TNFAIP8: variants seen among roughly 807,000 people sequenced by gnomAD.
TNFAIP8 encodes TNF alpha induced protein 8.
Under a neutral mutation model 13.3 loss-of-function variants are expected in TNFAIP8, and 7 were observed. The ratio of observed to expected loss-of-function variants is 0.52; its 90% CI spans 0.30 to 0.99. The LOEUF (loss-of-function observed/expected upper bound fraction) is 0.99. Among genes scored for constraint, TNFAIP8 ranks in the 50% least tolerant of loss-of-function variants. TNFAIP8 has a pLI of 0.07. For synonymous variants in TNFAIP8, 94 were observed against 87.6 expected (o/e 1.07, Z -0.41); for missense variants, 258 against 236.9 (o/e 1.09, Z -0.58).
At chr5:119,275,993 TAGA>T (rs1173238835) in intron 1 of TNFAIP8, among the ~76,000 whole-genome samples, 1 of 152,012 alleles carries the variant, frequency 6.6e-6, no homozygotes, top group East Asian at 1.9e-4. Flanking sequence ...ATGAGGCAGA[TAGA>T]GGAGGTTGGG....
At chr5:119,351,374 T>C (rs1022363009), upstream of TNFAIP8, among the ~76,000 whole-genome samples, 2 of 149,632 alleles carry the variant, frequency 1.3e-5, no homozygotes, top group African/African-American at 2.5e-5. Context: ...CAGTAGAAAC[T>C]ATACTTTGAA....
chr5:119,378,242 A>AG (rs976151502), intron 1 of TNFAIP8, among the ~76,000 whole-genome samples: 1 of 152,228 alleles, frequency 6.6e-6, no homozygotes, highest in African/African-American at 2.4e-5. Flanking sequence ...AAGGTTAGAA[A>AG]GGGGTAACAA....
In TNFAIP8 at chr5:119,395,499, A is replaced by C. The variant is rs1389702097; in HGVS notation, c.*2118A>C. 1 of 152,290 alleles carries C rather than the reference A, an allele frequency of 6.6e-6. No homozygotes were observed. The highest frequency in any genetic ancestry group is 1.5e-5 in the Non-Finnish European group (1 of 68,106). The allele number at this position is 152,290 out of a possible 1,614,324, so 9.4% of individuals were successfully genotyped here. A position where few individuals can be genotyped will look rare whatever the true frequency, so the allele number is the denominator to read the frequency against. On this transcript the variant is annotated 3_prime_UTR_variant, in exon 2 of 2. Transcript: ENST00000504771. ...GGGAGAAATCTGGATCTCTCTGGAC[A>C]CACTGGATCATAGGGTTGTGCCAGC...
intron 1 of TNFAIP8, among the ~76,000 whole-genome samples, chr5:119,312,505 T>G (rs930281758): frequency 6.6e-6 from 1 of 152,092 alleles, no homozygotes; most frequent in East Asian, 1.9e-4. Flanking sequence ...AAGTAGTGGT[T>G]GAGGTTAAGA....
chr5:119,394,674 T>C lies in TNFAIP8; in HGVS notation c.*1293T>C, dbSNP rs1753031551. ...TAGGCTAGAATGCAGTGGCATGATT[T>C]TGGCTCACTGCAACCTCTGCCTCCC... On this transcript the variant is annotated 3_prime_UTR_variant, in exon 2 of 2. Transcript: ENST00000504771. The C allele has an allele frequency of 6.6e-6, 1 of 150,546 alleles. No homozygotes were observed. The highest frequency in any genetic ancestry group is 2.1e-4 in the South Asian group (1 of 4,782). 9.3% of individuals were successfully genotyped at this position (150,546 alleles called of 1,614,324 possible). A position where few individuals can be genotyped will look rare whatever the true frequency, so the allele number is the denominator to read the frequency against.
At chr5:119,309,937 A>C (rs1323951598) in intron 1 of TNFAIP8, among the ~76,000 whole-genome samples, 3 of 152,222 alleles carry the variant, frequency 2.0e-5, no homozygotes, top group African/African-American at 7.2e-5. Flanking sequence ...TTTCCCACTG[A>C]AAATGGGAAG....
chr5:119,382,438 T>G (rs1752520997), intron 1 of TNFAIP8, among the ~76,000 whole-genome samples: 1 of 152,224 alleles, frequency 6.6e-6, no homozygotes, highest in East Asian at 1.9e-4. Context: ...AAGTTTTTGT[T>G]GACTGACTCA....
rs911134197 is a variant in TNFAIP8, at chr5:119,392,932, G to A, written c.148G>A (p.Val50Met). ...CTTAATAGACGACACAAGTAGTGAG[G>A]TGCTGGATGAGCTCTACAGAGTGAC... is the stretch of plus-strand genomic sequence containing the variant. ...TTLIDDTSSE[V>M]LDELYRVTRE... Residue 50 changes from valine to methionine, a missense_variant, in exon 2 of 2, where the codon GTG (valine) becomes ATG (methionine). Coordinates refer to ENST00000504771, the MANE Select transcript of TNFAIP8 (RefSeq NM_014350.4). 3.7e-6 allele frequency: 6 copies of A among 1,607,938 alleles called. No homozygotes were observed. The highest frequency in any genetic ancestry group is 4.2e-6 in the Non-Finnish European group (5 of 1,177,172).
At chr5:119,345,410 A>C (rs939665919) in intron 1 of TNFAIP8, among the ~76,000 whole-genome samples, 1 of 152,234 alleles carries the variant, frequency 6.6e-6, no homozygotes, top group African/African-American at 2.4e-5. Context: ...AGGCATCTCA[A>C]AGAGATATTT....
chr5:119,365,500 T>G, intron 1 of TNFAIP8, among the ~76,000 whole-genome samples: 1 of 152,154 alleles, frequency 6.6e-6, no homozygotes, highest in East Asian at 1.9e-4. Flanking sequence ...ACTCAGGAGG[T>G]ACTGTATAAA....
At position 119,393,376 on chromosome 5, in the gene TNFAIP8, A is replaced by G. The variant is rs771511991; in HGVS notation, c.592A>G (p.Ile198Val). The change falls in exon 2 of 2, where the codon ATA becomes GTA. Residue 198 changes from isoleucine to valine, a missense_variant. Coordinates refer to ENST00000504771, the MANE Select transcript of TNFAIP8 (RefSeq NM_014350.4). ...GINKMLDEEN[I>V] is the part of the protein sequence containing the mutation. ...CAACAAAATGTTGGATGAAGAGAAC[A>G]TATGAGCACATGAGTTAAGATTGTG... is the stretch of plus-strand genomic sequence containing the variant. The G allele has an allele frequency of 7.4e-6, 12 of 1,611,190 alleles. No homozygotes were observed. In the East Asian group the frequency reaches 2.2e-4, roughly 30 times the overall value.
At chr5:119,276,529 A>G (rs1748455172) in intron 1 of TNFAIP8, among the ~76,000 whole-genome samples, 1 of 152,200 alleles carries the variant, frequency 6.6e-6, no homozygotes, top group South Asian at 2.1e-4. Context: ...GGCTTAAACA[A>G]CAGAAATTTA....
intron 1 of TNFAIP8, among the ~76,000 whole-genome samples, chr5:119,369,165 T>G (rs1427839087): frequency 1.3e-5 from 2 of 151,112 alleles, no homozygotes; most frequent in Non-Finnish European, 2.9e-5. Flanking sequence ...GTGATTCTCC[T>G]CCCTCAGCCT....
rs756728754 is a variant in TNFAIP8 at position 119,268,883 on chromosome 5, C to T, written c.-24C>T. 4.0e-5 allele frequency: 28 copies of T among 702,270 alleles called. No individual in the cohort carries two copies. In the South Asian group the frequency reaches 4.0e-4, roughly 10 times the overall value. 43.5% of individuals were successfully genotyped at this position (702,270 alleles called of 1,614,324 possible). On this transcript the variant is annotated 5_prime_UTR_variant, in exon 1 of 2. Coordinates refer to the TNFAIP8 transcript ENST00000274456. ...CAGCCCAGCTCGCGCTTCAGCGTCC[C>T]GGCGCCGTCGCGCCACTCCTCCGAG...
At chr5:119,275,633 T>A (rs1321712194) in intron 1 of TNFAIP8, among the ~76,000 whole-genome samples, 1 of 152,214 alleles carries the variant, frequency 6.6e-6, no homozygotes, top group Admixed American at 6.5e-5. Context: ...ATTTTTTTCT[T>A]TGAAGCCATG....
chr5:119,328,325 T>C (rs897552283), intron 1 of TNFAIP8, among the ~76,000 whole-genome samples: 5 of 151,382 alleles, frequency 3.3e-5, no homozygotes, highest in African/African-American at 1.2e-4. Flanking sequence ...GAAAAGTTTT[T>C]GAAACTTACT....
chr5:119,371,838 A>T (rs1161547729), intron 1 of TNFAIP8, among the ~76,000 whole-genome samples: 5 of 152,046 alleles, frequency 3.3e-5, no homozygotes. Flanking sequence ...CCGGGGCAAC[A>T]TGGCAAAACC....
intron 1 of TNFAIP8, among the ~76,000 whole-genome samples, chr5:119,366,710 G>A (rs977738043): frequency 5.9e-5 from 9 of 152,194 alleles, no homozygotes; most frequent in African/African-American, 1.9e-4. Flanking sequence ...ACTTCGGGGG[G>A]TTTCCCTCAT....
intron 1 of TNFAIP8, among the ~76,000 whole-genome samples, chr5:119,293,109 G>T (rs1422014455): frequency 1.3e-5 from 2 of 151,972 alleles, no homozygotes; most frequent in Non-Finnish European, 2.9e-5. Context: ...ATACATGTGT[G>T]TACAACATGA....
Sources: gnomAD v4.1 joint callset for allele counts (sites outside exome capture counted in the v4.1 genomes callset) on GRCh38, gnomAD v4.1.1 for gene constraint, MANE v1.5 for transcripts, NCBI Gene and HGNC (gene_info 2026-07-23, HGNC 2026-07-21) for gene names.